TMPRSS9: variants seen among roughly 807,000 people sequenced by gnomAD.
TMPRSS9 encodes transmembrane protease serine 9.
In TMPRSS9, 113 loss-of-function variants were observed where a neutral mutation model predicts 111.4. The observed-to-expected ratio is 1.01, with a 90% CI of 0.87 to 1.19. The LOEUF is 1.19. Among genes scored for constraint, TMPRSS9 ranks in the 50% most tolerant of loss-of-function variants. The probability of loss-of-function intolerance (pLI) is 0.00; values close to 1 mark genes in which losing one functional copy is unlikely to be tolerated. For missense variants in TMPRSS9, 1,803 were observed against 1,513.1 expected (o/e 1.19, Z -3.18); for synonymous variants, 805 against 659.1 (o/e 1.22, Z -3.39).
chr19:2,378,247 A>C (rs1970354917), intron 1 of TMPRSS9, among the ~76,000 whole-genome samples: 1 of 152,160 alleles, frequency 6.6e-6, no homozygotes, highest in Admixed American at 6.6e-5. Context: ...AGACTCAGAC[A>C]ACTGTGTTTA....
chr19:2,413,701 G>T (rs139252219), exon 10 of TMPRSS9: 1 of 1,600,472 alleles, frequency 6.2e-7, no homozygotes, highest in African/African-American at 1.3e-5. Flanking sequence ...GTTTCCTAGG[G>T]TGACTCAGGA....
chr19:2,421,816 C>T, intron 13 of TMPRSS9, 38 bp from the exon 15 acceptor site: 1 of 1,547,450 alleles, frequency 6.5e-7, no homozygotes, highest in Non-Finnish European at 8.7e-7. Flanking sequence ...AGAGAGGGTC[C>T]CTGGAGGACC....
chr19:2,423,548 C>T (rs898734912), intron 14 of TMPRSS9, among the ~76,000 whole-genome samples: 5 of 152,000 alleles, frequency 3.3e-5, no homozygotes, highest in South Asian at 2.1e-4. Flanking sequence ...GAGGAAAACA[C>T]GCCTCTGGAG....
At chr19:2,422,066 C>T (rs749660515) in exon 14 of TMPRSS9, 1 of 1,610,688 alleles carries the variant, frequency 6.2e-7, no homozygotes, top group Non-Finnish European at 8.5e-7. Flanking sequence ...CCACCACCAG[C>T]CCCAGGACGA....
At chr19:2,414,265 A>G in intron 10 of TMPRSS9, 1 of 392,416 alleles carries the variant, frequency 2.5e-6, no homozygotes, top group Non-Finnish European at 4.6e-6. Context: ...TTTGAGACGC[A>G]GTCTTGCTCC....
intron 1 of TMPRSS9, among the ~76,000 whole-genome samples, chr19:2,363,305 C>A (rs752495117): frequency 1.3e-5 from 2 of 152,154 alleles, no homozygotes; most frequent in African/African-American, 4.8e-5. Flanking sequence ...GTTGCCCAGG[C>A]TGGGGACTCT....
At chr19:2,400,261 G>T (rs1970802596) in intron 4 of TMPRSS9, among the ~76,000 whole-genome samples, 1 of 152,224 alleles carries the variant, frequency 6.6e-6, no homozygotes, top group African/African-American at 2.4e-5. Context: ...TGTATGGAAG[G>T]CCGGGTGTGG....
rs977505390 is a variant in TMPRSS9 at position 2,396,378 on chromosome 19, A to G, written c.143-161A>G. Reference sequence around the variant, plus strand: ...GGAATTGAGGGAGAGCCCTGTGAGTAGCTATTCAGGGCTATCACGGGGGCG... The same window carrying G: ...GGAATTGAGGGAGAGCCCTGTGAGTGGCTATTCAGGGCTATCACGGGGGCG... On this transcript the variant is annotated intron_variant, in intron 1 of 17. Coordinates refer to ENST00000648592, the Ensembl canonical transcript of TMPRSS9. 29 of 749,976 alleles carry G rather than the reference A, an allele frequency of 3.9e-5. No individual in the cohort carries two copies. In the African/African-American group the frequency reaches 4.5e-4, roughly 12 times the overall value. 46.5% of individuals were successfully genotyped at this position (749,976 alleles called of 1,614,324 possible). A position where few individuals can be genotyped will look rare whatever the true frequency, so the allele number is the denominator to read the frequency against.
intron 9 of TMPRSS9, 48 bp downstream of exon 10, chr19:2,410,442 G>T: frequency 6.2e-7 from 1 of 1,604,962 alleles, no homozygotes; most frequent in South Asian, 1.1e-5. Flanking sequence ...AAATAGACAC[G>T]AGCATGTTCA....
At chr19:2,375,409 A>G (rs918936741) in intron 1 of TMPRSS9, among the ~76,000 whole-genome samples, 2 of 145,464 alleles carry the variant, frequency 1.4e-5, no homozygotes, top group Non-Finnish European at 3.0e-5. Context: ...GTGTGGACCA[A>G]TCACTGATGG....
chr19:2,416,547 G>T, exon 12 of TMPRSS9: 1 of 1,608,152 alleles, frequency 6.2e-7, no homozygotes, highest in South Asian at 1.1e-5. Flanking sequence ...GCACGAAGGT[G>T]GAGCAGGTTC....
At chr19:2,389,298 C>T (rs1224864502), upstream of TMPRSS9, among the ~76,000 whole-genome samples, 1 of 151,368 alleles carries the variant, frequency 6.6e-6, no homozygotes, top group East Asian at 1.9e-4. Context: ...TGGTCTCAAA[C>T]TCTTGACCTC....
At chr19:2,383,601 G>T (rs1430576965) in intron 1 of TMPRSS9, among the ~76,000 whole-genome samples, 4 of 147,472 alleles carry the variant, frequency 2.7e-5, no homozygotes, top group Non-Finnish European at 6.0e-5. Context: ...CTCCCAAGGT[G>T]CTGGGATTAC....
rs1321826837 is a variant in TMPRSS9, at chr19:2,373,430, A to T, written c.-26+13070A>T. On this transcript the variant is annotated intron_variant, in intron 1 of 17. Coordinates refer to the TMPRSS9 transcript ENST00000649857. ...TTTTTAGTAGAGATAGGGTTTTGTG[A>T]TGTTGGCCAGGCTGGTCTCAAACGC... Among the ~76,000 whole-genome samples the T allele has an allele frequency of 6.0e-5, 9 of 151,032 alleles. No individual in the cohort carries two copies. The South Asian group carries it at 1.9e-3, about 32-fold the overall frequency.
intron 1 of TMPRSS9, among the ~76,000 whole-genome samples, chr19:2,373,956 A>G (rs1970310238): frequency 1.3e-5 from 2 of 152,200 alleles, no homozygotes; most frequent in African/African-American, 2.4e-5. Flanking sequence ...GTCTGTACCA[A>G]CTATTTGCAA....
rs891058631 is a variant in TMPRSS9 at position 2,398,779 on chromosome 19, C to G, written c.271-16C>G. On this transcript the variant is annotated splice_polypyrimidine_tract_variant and intron_variant, in intron 2 of 17. Transcript: ENST00000648592. ...GCTGTGGGTCTCAACATTTGATATT[C>G]TTGTTTCTATTGCAGTTTGTAAGTA... 3.5e-6 allele frequency: 5 copies of G among 1,421,256 alleles called. No homozygotes were observed. Among genetic ancestry groups the G allele is most frequent in the East Asian group, 6.7e-5 (2 of 29,976 alleles). The allele number at this position is 1,421,256 out of a possible 1,614,324, so 88.0% of individuals were successfully genotyped here.
intron 4 of TMPRSS9, 109 bp from the exon 6 acceptor site, chr19:2,401,866 C>G: frequency 1.3e-6 from 1 of 795,960 alleles, no homozygotes; most frequent in Non-Finnish European, 1.9e-6. Context: ...CCTCAGCCTC[C>G]CAAAGTGCTG....
rs141072744 is a variant in TMPRSS9, at chr19:2,396,538, G to A, written c.143-1G>A. ...CTCACGGGCCCTGGTCTCGTCCCCAGCCTTCCTCTCTACACAGGGCTTCCA... is the reference window on the plus strand; with the variant it reads ...CTCACGGGCCCTGGTCTCGTCCCCAACCTTCCTCTCTACACAGGGCTTCCA... On this transcript the variant is annotated splice_acceptor_variant, in intron 1 of 17. Coordinates refer to ENST00000648592, the Ensembl canonical transcript of TMPRSS9. LOFTEE classifies it high-confidence loss of function. 1.8e-3 allele frequency: 2,864 copies of A among 1,602,242 alleles called. 10 individuals carry two copies. The highest frequency in any genetic ancestry group is 2.2e-3 in the Non-Finnish European group (2,606 of 1,173,800).
intron 2 of TMPRSS9, among the ~76,000 whole-genome samples, chr19:2,398,326 A>C (rs1326327725): frequency 6.8e-6 from 1 of 147,762 alleles, no homozygotes; most frequent in African/African-American, 2.5e-5. Context: ...AAATTTAAAA[A>C]TAAAACATAA....
Sources: gnomAD v4.1 joint callset for allele counts (sites outside exome capture counted in the v4.1 genomes callset) on GRCh38, gnomAD v4.1.1 for gene constraint, MANE v1.5 for transcripts, NCBI Gene and HGNC (gene_info 2026-07-23, HGNC 2026-07-21) for gene names.